Variants in CERS6 observed in about 807,000 individuals in gnomAD.
CERS6 encodes the protein LAG1 homolog, ceramide synthase 6.
Under a neutral mutation model 56.8 loss-of-function variants are expected in CERS6, and 26 were observed. That is an observed-to-expected ratio of 0.46 (90% CI 0.34 to 0.63). CERS6 has a LOEUF of 0.63. Among genes scored for constraint, CERS6 ranks in the 30% least tolerant of loss-of-function variants. CERS6 has a pLI of 0.01. For missense variants in CERS6, 415 were observed against 467.5 expected (o/e 0.89, Z 1.04); for synonymous variants, 164 against 173.3 (o/e 0.95, Z 0.42).
At chr2:168,693,088 T>C (rs188011167) in intron 5 of CERS6, among the ~76,000 whole-genome samples, 1 of 152,292 alleles carries the variant, frequency 6.6e-6, no homozygotes, top group Admixed American at 6.5e-5. Flanking sequence ...TTTAAAATAA[T>C]GTGAAGTTGC....
intron 3 of CERS6, among the ~76,000 whole-genome samples, chr2:168,616,316 G>T (rs1210747546): frequency 1.3e-5 from 2 of 149,484 alleles, no homozygotes; most frequent in African/African-American, 4.9e-5. Context: ...TACAATTTAG[G>T]AAAAAAAAAT....
intron 1 of CERS6, among the ~76,000 whole-genome samples, chr2:168,511,069 T>C (rs952251035): frequency 6.6e-6 from 1 of 152,112 alleles, no homozygotes; most frequent in Admixed American, 6.5e-5. Context: ...ATTTCTCAAA[T>C]CTCCTTTATT....
In CERS6 at chr2:168,512,917, C is replaced by T. The variant is rs148156994; in HGVS notation, c.171-34679C>T. ...TGCTGACCTCATGATCCTCCCACCTCGGCCTCCCAAAATGCTGGGATTACA... is the reference window on the plus strand; with the variant it reads ...TGCTGACCTCATGATCCTCCCACCTTGGCCTCCCAAAATGCTGGGATTACA... On this transcript the variant is annotated intron_variant, in intron 1 of 9. Coordinates refer to ENST00000305747, the MANE Select transcript of CERS6 (RefSeq NM_203463.3). Among the ~76,000 whole-genome samples the T allele has an allele frequency of 6.2e-4, 94 of 152,212 alleles. 1 individual carries two copies. The East Asian group carries it at 0.014, about 23-fold the overall frequency.
intron 8 of CERS6, among the ~76,000 whole-genome samples, chr2:168,724,779 G>C (rs184608286): frequency 2.6e-5 from 4 of 152,342 alleles, no homozygotes; most frequent in Non-Finnish European, 4.4e-5. Context: ...CAATCCCTGA[G>C]CTAGACATAA....
At chr2:168,642,763 A>G (rs906302980) in intron 4 of CERS6, among the ~76,000 whole-genome samples, 2 of 152,232 alleles carry the variant, frequency 1.3e-5, no homozygotes, top group African/African-American at 4.8e-5. Context: ...GCTTAGGAGC[A>G]TTAATTGATA....
At chr2:168,516,046 C>CA (rs781673503) in intron 1 of CERS6, among the ~76,000 whole-genome samples, 1 of 152,184 alleles carries the variant, frequency 6.6e-6, no homozygotes, top group Non-Finnish European at 1.5e-5. Context: ...AACAATGGGC[C>CA]AAGGCTTCCA....
intron 3 of CERS6, among the ~76,000 whole-genome samples, chr2:168,623,846 T>C (rs76487126): frequency 0.029 from 4,464 of 152,264 alleles, 189 homozygotes; most frequent in African/African-American, 0.096. Context: ...GACCCCAAGA[T>C]GTCGATGGAG....
intron 3 of CERS6, among the ~76,000 whole-genome samples, chr2:168,609,974 G>GTT (rs5836191): frequency 0.48 from 44,668 of 93,884 alleles, 12,284 homozygotes; most frequent in Middle Eastern, 0.61. Flanking sequence ...AGATGTGACT[G>GTT]TTTTTTTTTT....
At chr2:168,457,015 G>C (rs938804979) in intron 1 of CERS6, among the ~76,000 whole-genome samples, 1 of 152,156 alleles carries the variant, frequency 6.6e-6, no homozygotes, top group Non-Finnish European at 1.5e-5. Flanking sequence ...TTCCCGCCGG[G>C]GCCCGCGCCA....
intron 8 of CERS6, among the ~76,000 whole-genome samples, chr2:168,761,224 A>G (rs1684573215): frequency 6.6e-6 from 1 of 152,150 alleles, no homozygotes; most frequent in African/African-American, 2.4e-5. Flanking sequence ...TCGATTTTCA[A>G]AGAAAATCCC....
chr2:168,687,584 C>G (rs1314917799), intron 4 of CERS6, among the ~76,000 whole-genome samples: 2 of 152,106 alleles, frequency 1.3e-5, no homozygotes, highest in Non-Finnish European at 2.9e-5. Context: ...TGATTGCTTA[C>G]AATGTTGTCA....
Position 168,675,537 on chromosome 2 carries a change from G to C in CERS6, c.466-15497G>C, listed in dbSNP as rs986672207. Among the ~76,000 whole-genome samples, 6 of 152,040 alleles carry C rather than the reference G, an allele frequency of 3.9e-5. No individual in the cohort carries two copies. In the South Asian group the frequency reaches 8.3e-4, roughly 21 times the overall value. On this transcript the variant is annotated intron_variant, in intron 4 of 9. Coordinates refer to ENST00000305747, the MANE Select transcript of CERS6 (RefSeq NM_203463.3). The stretch of plus-strand genomic sequence containing the variant: ...GGGGGCTGAGGCTGCAGTGAGCCAA[G>C]ATCATGCCACTGCATTGCAGCCTGG...
intron 8 of CERS6, among the ~76,000 whole-genome samples, chr2:168,735,877 T>C: frequency 7.0e-5 from 2 of 28,672 alleles, no homozygotes; most frequent in Admixed American, 5.1e-4. Flanking sequence ...GGAGACCCTG[T>C]CTCAAAAAAA....
chr2:168,695,641 A>G (rs895288780), intron 6 of CERS6, among the ~76,000 whole-genome samples: 6 of 152,122 alleles, frequency 3.9e-5, no homozygotes, highest in African/African-American at 1.4e-4. Context: ...TTTCTGTGAC[A>G]CCATATTTGG....
chr2:168,713,224 T>G (rs1687137403), intron 6 of CERS6, among the ~76,000 whole-genome samples: 1 of 152,194 alleles, frequency 6.6e-6, no homozygotes, highest in South Asian at 2.1e-4. Context: ...CTCCCCTAGA[T>G]TTAACCTACA....
chr2:168,522,088 C>T (rs1223017299), intron 1 of CERS6, among the ~76,000 whole-genome samples: 2 of 151,960 alleles, frequency 1.3e-5, no homozygotes, highest in Non-Finnish European at 2.9e-5. Context: ...ATTTTTGTGA[C>T]TTTGTTTGGT....
At chr2:168,481,157 T>C (rs1204030922) in intron 1 of CERS6, among the ~76,000 whole-genome samples, 1 of 152,214 alleles carries the variant, frequency 6.6e-6, no homozygotes, top group Non-Finnish European at 1.5e-5. Context: ...GGCTCACGCC[T>C]GTAATCCCAA....
intron 9 of CERS6, among the ~76,000 whole-genome samples, chr2:168,768,687 C>T (rs1380184099): frequency 2.0e-5 from 3 of 151,872 alleles, no homozygotes. Context: ...AGGTGGATCA[C>T]CTGAGGTCAG....
At chr2:168,674,465 T>C (rs1686003040) in intron 4 of CERS6, among the ~76,000 whole-genome samples, 1 of 152,222 alleles carries the variant, frequency 6.6e-6, no homozygotes, top group East Asian at 1.9e-4. Flanking sequence ...TAGTTTTGGC[T>C]TTTGGCTAGG....
Sources: allele counts gnomAD v4.1 joint callset (sites outside exome capture counted in the v4.1 genomes callset), GRCh38; gene constraint gnomAD v4.1.1; transcripts MANE v1.5; gene names NCBI Gene and HGNC (gene_info 2026-07-23, HGNC 2026-07-21).